The following RIMS2 variants were observed in gnomAD, a reference collection of about 807,000 sequenced individuals.
RIMS2 encodes regulating synaptic membrane exocytosis 2, also known as regulating synaptic membrane exocytosis protein 2.
A neutral mutation model predicts 174.4 loss-of-function variants in RIMS2; 59 were observed. The observed-to-expected ratio is 0.34, with a 90% CI of 0.27 to 0.42. RIMS2 has a LOEUF of 0.42. Among genes scored for constraint, RIMS2 ranks in the 10% least tolerant of loss-of-function variants. The pLI, the probability that RIMS2 is intolerant of heterozygous loss-of-function variation, is 1.00. For missense variants in RIMS2, 1,620 were observed against 1,666.3 expected, an observed-to-expected ratio of 0.97 and a Z score of 0.48; for synonymous variants, 606 against 572.5, an observed-to-expected ratio of 1.06 and a Z score of -0.84.
intron 1 of RIMS2, among the ~76,000 whole-genome samples, chr8:103,558,415 G>T (rs895509428): frequency 6.6e-6 from 1 of 152,038 alleles, no homozygotes; most frequent in African/African-American, 2.4e-5. Flanking sequence ...GTAGAGATGG[G>T]GTTTTGCCAT....
intron 19 of RIMS2, among the ~76,000 whole-genome samples, chr8:104,061,180 C>G (rs2096980089): frequency 6.6e-6 from 1 of 152,094 alleles, no homozygotes; most frequent in South Asian, 2.1e-4. Flanking sequence ...TGTTTAAAGT[C>G]TGCCGTTATT....
chr8:103,657,944 T>C (rs1267220385), intron 1 of RIMS2, among the ~76,000 whole-genome samples: 1 of 152,172 alleles, frequency 6.6e-6, no homozygotes, highest in Non-Finnish European at 1.5e-5. Flanking sequence ...GTATTTAAAA[T>C]CTAGACCCAG....
intron 1 of RIMS2, among the ~76,000 whole-genome samples, chr8:103,546,799 C>G (rs1563725779): frequency 6.6e-6 from 1 of 152,182 alleles, no homozygotes; most frequent in Admixed American, 6.5e-5. Flanking sequence ...GTCCCTGACT[C>G]CCAGCCCCAC....
chr8:104,245,087 C>A, intron 20 of RIMS2, 30 bp downstream of exon 26: 1 of 1,608,924 alleles, frequency 6.2e-7, no homozygotes, highest in Non-Finnish European at 8.5e-7. Context: ...ATGTGTGTCT[C>A]CTCCGTGCCT....
At chr8:104,016,056 T>C (rs2095894190) in intron 19 of RIMS2, among the ~76,000 whole-genome samples, 1 of 152,038 alleles carries the variant, frequency 6.6e-6, no homozygotes, top group African/African-American at 2.4e-5. Context: ...TGAATGGTGA[T>C]ATATGGAGTG....
At chr8:103,506,799 G>A (rs1823892045) in intron 1 of RIMS2, among the ~76,000 whole-genome samples, 1 of 152,134 alleles carries the variant, frequency 6.6e-6, no homozygotes, top group Non-Finnish European at 1.5e-5. Context: ...TAGGGATGGG[G>A]AGAGGGTGGG....
rs991211089 is a variant in RIMS2 at position 103,540,958 on chromosome 8, T to C, written c.176+39896T>C. On this transcript the variant is annotated intron_variant, in intron 1 of 23. Transcript: ENST00000504942. ...TTCAAAGACAAGTTACTTGAAAATA[T>C]ACAGTGAGAGGAATAAAAAAGAAAC... Among the ~76,000 whole-genome samples, 37 of 151,158 alleles carry C rather than the reference T, an allele frequency of 2.4e-4. 1 individual carries two copies. The highest frequency in any genetic ancestry group is 2.2e-3 in the Admixed American group (34 of 15,194).
At chr8:103,555,403 C>T (rs144344997) in intron 1 of RIMS2, among the ~76,000 whole-genome samples, 2 of 152,152 alleles carry the variant, frequency 1.3e-5, no homozygotes, top group Non-Finnish European at 2.9e-5. Flanking sequence ...GTAACCCTTA[C>T]ACATGGTTGG....
chr8:103,602,760 A>C (rs2094822902), intron 1 of RIMS2, among the ~76,000 whole-genome samples: 1 of 152,158 alleles, frequency 6.6e-6, no homozygotes, highest in East Asian at 1.9e-4. Flanking sequence ...TGCTGCAATG[A>C]CCATACACAA....
intron 15 of RIMS2, among the ~76,000 whole-genome samples, chr8:103,962,351 T>A (rs1456461761): frequency 6.6e-6 from 1 of 152,202 alleles, no homozygotes; most frequent in African/African-American, 2.4e-5. Flanking sequence ...GGAATAATTT[T>A]CTGGCACTAC....
chr8:103,840,828 C>T (rs2098935262), intron 3 of RIMS2, among the ~76,000 whole-genome samples: 1 of 152,074 alleles, frequency 6.6e-6, no homozygotes, highest in South Asian at 2.1e-4. Flanking sequence ...AAATTTAAAC[C>T]AGGCAGCTGC....
intron 19 of RIMS2, among the ~76,000 whole-genome samples, chr8:104,134,052 AAT>A (rs1240802834): frequency 6.6e-6 from 1 of 152,204 alleles, no homozygotes; most frequent in Non-Finnish European, 1.5e-5. Context: ...AATAATCTTT[AAT>A]ATATGATACA....
intron 19 of RIMS2, among the ~76,000 whole-genome samples, chr8:104,145,813 A>G (rs1039936464): frequency 6.6e-6 from 1 of 151,934 alleles, no homozygotes; most frequent in Non-Finnish European, 1.5e-5. Flanking sequence ...GGTGAGCTAG[A>G]TCGCGCCATT....
intron 19 of RIMS2, among the ~76,000 whole-genome samples, chr8:104,051,802 G>GA (rs1195624113): frequency 6.6e-6 from 1 of 152,012 alleles, no homozygotes; most frequent in African/African-American, 2.4e-5. Flanking sequence ...GTAAAATTGA[G>GA]AAAAAAATAA....
chr8:103,620,850 T>A (rs548688277), intron 1 of RIMS2, among the ~76,000 whole-genome samples: 1 of 152,288 alleles, frequency 6.6e-6, no homozygotes, highest in East Asian at 1.9e-4. Context: ...TTTCAAAATT[T>A]AAAAAATTGT....
chr8:103,968,515 C>CTT (rs146890850), intron 15 of RIMS2, among the ~76,000 whole-genome samples: 6 of 147,078 alleles, frequency 4.1e-5, no homozygotes, highest in Non-Finnish European at 7.5e-5. Context: ...TTTTTCTTAC[C>CTT]TTTTTTTTTG....
intron 1 of RIMS2, among the ~76,000 whole-genome samples, chr8:103,502,940 A>C (rs987778609): frequency 1.3e-5 from 2 of 151,990 alleles, no homozygotes; most frequent in African/African-American, 4.8e-5. Flanking sequence ...TATGTTAGGA[A>C]GATGTTGTAA....
intron 2 of RIMS2, among the ~76,000 whole-genome samples, chr8:103,717,363 G>A (rs1208520221): frequency 6.7e-6 from 1 of 150,048 alleles, no homozygotes; most frequent in Non-Finnish European, 1.5e-5. Flanking sequence ...CAGTTTTGAA[G>A]ATATATGGGT....
chr8:103,697,034 C>G, intron 1 of RIMS2, 52 bp from the exon 4 acceptor site: 1 of 1,103,720 alleles, frequency 9.1e-7, no homozygotes, highest in East Asian at 2.4e-5. Context: ...ATAATTTTTC[C>G]TTTAGAGATC....
Sources: allele counts gnomAD v4.1 joint callset (sites outside exome capture counted in the v4.1 genomes callset), GRCh38; gene constraint gnomAD v4.1.1; transcripts MANE v1.5; gene names NCBI Gene and HGNC (gene_info 2026-07-23, HGNC 2026-07-21).